SPON1: variants seen among roughly 807,000 people sequenced by gnomAD.
The protein encoded by SPON1 is spondin-1.
SPON1 carries 52 observed loss-of-function variants against 111.7 expected under a neutral mutation model. That is an observed-to-expected ratio of 0.47 (90% confidence interval 0.37 to 0.59). SPON1 has a LOEUF of 0.59. Ranked by LOEUF, SPON1 falls within the 20% of genes least tolerant of loss-of-function variation. The pLI is 0.00. For synonymous variants in SPON1, 410 were observed against 395.8 expected, an observed-to-expected ratio of 1.04 and a Z score of -0.43; for missense variants, 957 against 1,068.5, an observed-to-expected ratio of 0.90 and a Z score of 1.46.
At position 14,259,433 on chromosome 11, in the gene SPON1, C is replaced by G. The variant is rs782068397; in HGVS notation, c.1646C>G (p.Thr549Arg). The G allele has an allele frequency of 2.1e-5, 33 of 1,609,162 alleles. No homozygotes were observed. Among genetic ancestry groups the G allele is most frequent in the Non-Finnish European group, 2.5e-5 (30 of 1,178,178 alleles). Residue 549 changes from threonine to arginine, a missense_variant, in exon 12 of 16, where the codon ACG becomes AGG. By Grantham distance (71) the Thr-to-Arg change is moderately conservative (BLOSUM62 -1). Around this residue, in one of 5 missense-constraint regions of SPON1, gnomAD observed 549 missense variants for 606.2 expected, o/e 0.91. Coordinates refer to ENST00000576479, the MANE Select transcript of SPON1 (RefSeq NM_006108.4). The surrounding 1 kb of genome is among the most constrained non-coding windows in gnomAD (Gnocchi z 5.0). ...TLPTEETEKC[T>R]VNEECSPSSC... ...CCCACTGAGGAAACGGAGAAGTGCA[C>G]GGTCAACGAGGAGTGCTGTGAGTGG...
intron 7 of SPON1, among the ~76,000 whole-genome samples, chr11:14,245,311 C>T (rs1222489746): frequency 6.6e-6 from 1 of 152,194 alleles, no homozygotes; most frequent in African/African-American, 2.4e-5. Flanking sequence ...TCATCCCCTA[C>T]TGTGCGCCAG....
intron 6 of SPON1, among the ~76,000 whole-genome samples, chr11:14,150,150 T>A (rs1847769975): frequency 1.3e-5 from 2 of 152,132 alleles, no homozygotes; most frequent in African/African-American, 4.8e-5. Context: ...TAAAAAAGAA[T>A]GAAATGCCAT....
intron 2 of SPON1, among the ~76,000 whole-genome samples, chr11:14,010,723 A>G (rs1848398019): frequency 1.3e-5 from 2 of 152,214 alleles, no homozygotes; most frequent in South Asian, 4.1e-4. Flanking sequence ...TGAGGCAAGT[A>G]AGGCAGGTGT....
intron 6 of SPON1, among the ~76,000 whole-genome samples, chr11:14,141,030 A>AG (rs1396953459): frequency 3.3e-5 from 2 of 61,274 alleles, no homozygotes; most frequent in African/African-American, 5.4e-5. Context: ...TGCCCCCCCC[A>AG]TGCCCCACTT....
chr11:14,119,350 G>A (rs1388992591), intron 5 of SPON1, among the ~76,000 whole-genome samples: 2 of 152,238 alleles, frequency 1.3e-5, no homozygotes, highest in East Asian at 3.9e-4. Flanking sequence ...TGGCATCAGC[G>A]TACCTCTGAG....
intron 5 of SPON1, among the ~76,000 whole-genome samples, chr11:14,125,156 C>T (rs1456113653): frequency 3.3e-5 from 5 of 152,182 alleles, no homozygotes; most frequent in South Asian, 2.1e-4. Flanking sequence ...AGCACCCAGG[C>T]GCAAACCCGC....
At chr11:14,093,030 G>T (rs1254405506) in intron 5 of SPON1, among the ~76,000 whole-genome samples, 1 of 152,088 alleles carries the variant, frequency 6.6e-6, no homozygotes, top group Non-Finnish European at 1.5e-5. Context: ...AACTCAACTG[G>T]TACCAAATTT....
chr11:14,180,059 C>T (rs1484270459), intron 6 of SPON1, among the ~76,000 whole-genome samples: 1 of 152,160 alleles, frequency 6.6e-6, no homozygotes, highest in African/African-American at 2.4e-5. Context: ...CCTTCTATTG[C>T]ATCTTCCATG....
chr11:14,000,975 T>C (rs1324178542), intron 2 of SPON1, among the ~76,000 whole-genome samples: 1 of 152,224 alleles, frequency 6.6e-6, no homozygotes, highest in Non-Finnish European at 1.5e-5. Context: ...TAATGTCTAC[T>C]GTGACATGTG....
chr11:14,160,459 A>T lies in SPON1; in HGVS notation c.825+24891A>T, dbSNP rs1244806675. Reference sequence around the variant, plus strand: ...TATATATATTTATATATATATTTATATATATATATTTATATATATATTTAT... The same window carrying T: ...TATATATATTTATATATATATTTATTTATATATATTTATATATATATTTAT... On this transcript the variant is annotated intron_variant, in intron 6 of 15. Transcript: ENST00000576479. Among the ~76,000 whole-genome samples the T allele has an allele frequency of 1.4e-4, 4 of 29,490 alleles. 1 individual carries two copies. Among genetic ancestry groups the T allele is most frequent in the African/African-American group, 1.5e-4 (1 of 6,726 alleles). The allele number at this position is 29,490 out of a possible 152,430, so 19.3% of individuals were successfully genotyped here.
chr11:14,046,692 C>A (rs1848670618), intron 3 of SPON1, among the ~76,000 whole-genome samples: 1 of 152,192 alleles, frequency 6.6e-6, no homozygotes, highest in African/African-American at 2.4e-5. Context: ...TGTTCATGGT[C>A]ATTCAAGCAG....
At chr11:14,003,643 A>G (rs1554912740) in intron 2 of SPON1, among the ~76,000 whole-genome samples, 1 of 152,172 alleles carries the variant, frequency 6.6e-6, no homozygotes, top group African/African-American at 2.4e-5. Context: ...GAAGGGACCT[A>G]CATAAGCACT....
chr11:13,990,821 TC>T (rs1238454879), intron 2 of SPON1, among the ~76,000 whole-genome samples: 12 of 152,312 alleles, frequency 7.9e-5, no homozygotes, highest in African/African-American at 2.9e-4. Context: ...TATTTCTCCT[TC>T]ACTTATGAAG....
chr11:14,212,614 A>G (rs1375807336), intron 6 of SPON1, among the ~76,000 whole-genome samples: 1 of 152,204 alleles, frequency 6.6e-6, no homozygotes, highest in Non-Finnish European at 1.5e-5. Context: ...CATATTACTT[A>G]GAGTATAGGA....
chr11:13,977,506 C>T (rs1353083629), intron 1 of SPON1, among the ~76,000 whole-genome samples: 3 of 152,054 alleles, frequency 2.0e-5, no homozygotes, highest in Non-Finnish European at 4.4e-5. Context: ...GTGCATTTGT[C>T]TTTCTTATTT....
At chr11:14,080,161 A>G in intron 5 of SPON1, 140 bp downstream of exon 5, 1 of 903,000 alleles carries the variant, frequency 1.1e-6, no homozygotes, top group Admixed American at 2.3e-5. Flanking sequence ...CCAAGTATGT[A>G]TATTAATCAA....
At chr11:14,008,293 CA>C (rs1232678481) in intron 2 of SPON1, among the ~76,000 whole-genome samples, 7 of 152,090 alleles carry the variant, frequency 4.6e-5, no homozygotes, top group African/African-American at 1.4e-4. Context: ...ATGCTGGAAC[CA>C]ACCCCCGACA....
intron 5 of SPON1, among the ~76,000 whole-genome samples, chr11:14,130,356 T>C (rs1294107417): frequency 6.6e-6 from 1 of 152,104 alleles, no homozygotes; most frequent in Non-Finnish European, 1.5e-5. Flanking sequence ...TGGTGGTAAA[T>C]GGCATTGGAA....
intron 1 of SPON1, among the ~76,000 whole-genome samples, chr11:13,981,178 G>A (rs1564878417): frequency 6.6e-6 from 1 of 152,166 alleles, no homozygotes; most frequent in African/African-American, 2.4e-5. Context: ...GCACAGCCCA[G>A]TGGAGAAGGC....
Sources: gnomAD v4.1 joint callset for allele counts (sites outside exome capture counted in the v4.1 genomes callset) on GRCh38, gnomAD v4.1.1 for gene constraint, gnomAD v4.1.1 regional missense constraint, Gnocchi (gnomAD v3.1) non-coding constraint, MANE v1.5 for transcripts, NCBI Gene and HGNC (gene_info 2026-07-23, HGNC 2026-07-21) for gene names.